The following IWS1 variants were observed in gnomAD, a reference collection of about 807,000 sequenced individuals.
The protein encoded by IWS1 is interacts with SUPT6H, CTD assembly factor 1.
A neutral mutation model predicts 86.7 loss-of-function variants in IWS1; 27 were observed. The observed-to-expected ratio is 0.31, with a 90% confidence interval of 0.23 to 0.43. The LOEUF (loss-of-function observed/expected upper bound fraction) is 0.43. Ranked by LOEUF, IWS1 falls within the 20% of genes least tolerant of loss-of-function variation. IWS1 has a pLI of 1.00. For missense variants in IWS1, 827 were observed against 1,000.8 expected (o/e 0.83, Z 2.34); for synonymous variants, 313 against 335.1 (o/e 0.93, Z 0.72).
Position 127,526,229 on chromosome 2 carries a change from G to C in IWS1, c.-21C>G. On this transcript the variant is annotated 5_prime_UTR_variant, in exon 1 of 14. Coordinates refer to ENST00000295321, the MANE Select transcript of IWS1 (RefSeq NM_017969.3). ...TCCATGGCAGGCGGACTCTCAGCGG[G>C]GAGTGTCCGCGCCCCGCGCCGCCCC... 1.7e-5 allele frequency: 26 copies of C among 1,559,480 alleles called. No individual in the cohort carries two copies. The highest frequency in any genetic ancestry group is 2.2e-5 in the Non-Finnish European group (25 of 1,153,684).
chr2:127,511,009 G>A (rs1691419787), intron 2 of IWS1, among the ~76,000 whole-genome samples: 1 of 152,208 alleles, frequency 6.6e-6, no homozygotes, highest in Non-Finnish European at 1.5e-5. Flanking sequence ...CCACATTTTA[G>A]AAATTCTACT....
rs1256965189 is a variant in IWS1 at position 127,512,846 on chromosome 2, T to G, written c.151-7094A>C. Among the ~76,000 whole-genome samples, 3 of 152,378 alleles carry G rather than the reference T, an allele frequency of 2.0e-5. No homozygotes were observed. The East Asian group carries it at 5.8e-4, about 29-fold the overall frequency. On this transcript the variant is annotated intron_variant, in intron 2 of 13. Coordinates refer to ENST00000295321, the MANE Select transcript of IWS1 (RefSeq NM_017969.3). Reference sequence around the variant, plus strand: ...GCTATGCCTAGTAAACAATAAACATTCAAAAATGTTTATTGAAAGACATGA... The same window carrying G: ...GCTATGCCTAGTAAACAATAAACATGCAAAAATGTTTATTGAAAGACATGA...
intron 1 of IWS1, 27 bp from the exon 2 acceptor site, chr2:127,523,818 C>T: frequency 1.3e-6 from 2 of 1,483,896 alleles, no homozygotes; most frequent in South Asian, 2.3e-5. Flanking sequence ...CAAAAACCAA[C>T]TTATGGTGTA....
chr2:127,519,010 T>C (rs1464600055), intron 2 of IWS1, among the ~76,000 whole-genome samples: 1 of 152,250 alleles, frequency 6.6e-6, no homozygotes, highest in African/African-American at 2.4e-5. Flanking sequence ...CACAGCATTG[T>C]TACTGATCCT....
chr2:127,514,188 C>T (rs1691632951), intron 2 of IWS1: 1 of 154,432 alleles, frequency 6.5e-6, no homozygotes, highest in Admixed American at 6.5e-5. Context: ...GGACAACCCA[C>T]CTTTGGATAG....
Position 127,526,469 on chromosome 2 carries a change from G to A in IWS1, c.-261C>T, listed in dbSNP as rs964963000. ...CGGCGTTCTACTTCCTAGAAGCACC[G>A]CTGGGGCCAAAATGGCGTCTGCCCA... On this transcript the variant is annotated 5_prime_UTR_variant, in exon 1 of 14. Transcript: ENST00000295321. The A allele has an allele frequency of 5.2e-6, 8 of 1,527,862 alleles. No homozygotes were observed. Among genetic ancestry groups the A allele is most frequent in the South Asian group, 1.2e-5 (1 of 82,936 alleles). 94.6% of individuals were successfully genotyped at this position (1,527,862 alleles called of 1,614,324 possible). A position where few individuals can be genotyped will look rare whatever the true frequency, so the allele number is the denominator to read the frequency against.
intron 2 of IWS1, among the ~76,000 whole-genome samples, chr2:127,520,492 C>G (rs978378606): frequency 6.6e-6 from 1 of 152,046 alleles, no homozygotes; most frequent in Non-Finnish European, 1.5e-5. Flanking sequence ...TTAATGCAAC[C>G]GTACTCTTTT....
At chr2:127,495,963 GA>G (rs1450145190) in intron 7 of IWS1, 34 bp downstream of exon 7, 49 of 1,535,438 alleles carry the variant, frequency 3.2e-5, no homozygotes, top group Middle Eastern at 1.7e-4. Flanking sequence ...TCAGTGGGAG[GA>G]AAAAAAGGTG....
rs116167234 is a variant in IWS1 at position 127,503,711 on chromosome 2, A to C, written c.1220-135T>G. On this transcript the variant is annotated intron_variant, in intron 3 of 13. Coordinates refer to ENST00000295321, the MANE Select transcript of IWS1 (RefSeq NM_017969.3). The stretch of plus-strand genomic sequence containing the variant: ...AAATAAATAAATAAATAAATAAAAT[A>C]AAATCAGAGGGCCTCCTGACACATG... 2,508 of 344,814 alleles carry C rather than the reference A, an allele frequency of 7.3e-3. 60 individuals are homozygous for C. The highest frequency in any genetic ancestry group is 0.048 in the African/African-American group (2,240 of 47,128). 21.4% of individuals were successfully genotyped at this position (344,814 alleles called of 1,614,324 possible). A position where few individuals can be genotyped will look rare whatever the true frequency, so the allele number is the denominator to read the frequency against.
intron 6 of IWS1, among the ~76,000 whole-genome samples, chr2:127,496,820 C>T (rs1231781556): frequency 1.3e-5 from 2 of 152,176 alleles, no homozygotes; most frequent in East Asian, 3.8e-4. Flanking sequence ...TCAAGTGATC[C>T]CCCTGCCTCA....
intron 7 of IWS1, 97 bp downstream of exon 7, chr2:127,495,901 A>C: frequency 9.4e-7 from 1 of 1,063,962 alleles, no homozygotes; most frequent in Non-Finnish European, 1.3e-6. Context: ...AAAGCAAAGC[A>C]TCTTAATTGT....
At position 127,493,299 on chromosome 2, in the gene IWS1, C is replaced by T. The variant is rs1353947323; in HGVS notation, c.1911G>A (p.Leu637=). 1 of 1,611,336 alleles carries T rather than the reference C, an allele frequency of 6.2e-7. No individual in the cohort carries two copies. The highest frequency in any genetic ancestry group is 2.2e-5 in the East Asian group (1 of 44,838). Residue 637 remains leucine (L), a synonymous_variant, in exon 9 of 14, where the codon CTG becomes CTA. Coordinates refer to ENST00000295321, the MANE Select transcript of IWS1 (RefSeq NM_017969.3). ...CTCTAACCTCTTGCAGGATCTTCAG[C>T]AGCTCCTCCCGGATCTTGAGTGCAG... is the stretch of plus-strand genomic sequence containing the variant. ...SLPALKIREE[L]LKILQELPSV... is the part of the protein sequence containing the mutation.
upstream of IWS1, chr2:127,526,560 C>G: frequency 1.4e-6 from 2 of 1,422,306 alleles, no homozygotes; most frequent in Non-Finnish European, 1.9e-6. Flanking sequence ...GAAGACGCAA[C>G]AGCAATGACG....
At chr2:127,491,901 T>G in intron 10 of IWS1, 70 bp downstream of exon 10, 1 of 919,006 alleles carries the variant, frequency 1.1e-6, no homozygotes. Flanking sequence ...AAAATACAGC[T>G]TTTATATATA....
chr2:127,525,729 T>C (rs1004531898), intron 1 of IWS1, among the ~76,000 whole-genome samples: 1 of 152,216 alleles, frequency 6.6e-6, no homozygotes, highest in Non-Finnish European at 1.5e-5. Flanking sequence ...CCTTACTCTA[T>C]GCATGCAACT....
At chr2:127,492,840 T>C (rs144936313) in intron 9 of IWS1, 49 of 152,622 alleles carry the variant, frequency 3.2e-4, no homozygotes, top group Non-Finnish European at 5.7e-4. Flanking sequence ...AACGAATCAA[T>C]ACATATATAA....
At chr2:127,520,980 C>A (rs1475760188) in intron 2 of IWS1, among the ~76,000 whole-genome samples, 1 of 152,232 alleles carries the variant, frequency 6.6e-6, no homozygotes, top group African/African-American at 2.4e-5. Context: ...AATACATAGG[C>A]TGGGCACAGT....
rs1690077212 is a variant in IWS1 at position 127,489,028 on chromosome 2, C to T, written c.2216+151G>A. ...ATTTTCCTTACATCCCCAGAGTACC[C>T]AATACAATGCTTTGTAGATACTAAA... On this transcript the variant is annotated intron_variant, in intron 12 of 13. Coordinates refer to ENST00000295321, the MANE Select transcript of IWS1 (RefSeq NM_017969.3). This position sits in a 1 kb window ranked among gnomAD's most constrained non-coding sequence, Gnocchi z 4.8. 3.5e-6 allele frequency: 2 copies of T among 574,534 alleles called. No individual in the cohort carries two copies. The allele number at this position is 574,534 out of a possible 1,614,324, so 35.6% of individuals were successfully genotyped here.
chr2:127,503,731 C>T (rs948359722), intron 3 of IWS1, among the ~76,000 whole-genome samples, 155 bp from the exon 4 acceptor site: 26 of 151,314 alleles, frequency 1.7e-4, no homozygotes, highest in South Asian at 1.7e-3. Context: ...GGCCTCCTGA[C>T]ACATGGTTTA....
Sources: allele counts gnomAD v4.1 joint callset (sites outside exome capture counted in the v4.1 genomes callset), GRCh38; gene constraint gnomAD v4.1.1; non-coding constraint Gnocchi (gnomAD v3.1); transcripts MANE v1.5; gene names NCBI Gene and HGNC (gene_info 2026-07-23, HGNC 2026-07-21).